MAP3K2: variants seen among roughly 807,000 people sequenced by gnomAD.
MAP3K2 encodes MAP/ERK kinase kinase 2.
A neutral mutation model predicts 80.3 loss-of-function variants in MAP3K2; 24 were observed. The observed-to-expected ratio is 0.30, with a 90% CI of 0.22 to 0.42. The LOEUF (loss-of-function observed/expected upper bound fraction) is 0.42. Ranked by LOEUF, MAP3K2 falls within the 10% of genes least tolerant of loss-of-function variation. MAP3K2 has a pLI of 1.00. For synonymous variants in MAP3K2, 244 were observed against 253.7 expected (o/e 0.96, Z 0.36); for missense variants, 608 against 750.1 (o/e 0.81, Z 2.21).
chr2:127,356,464 A>G (rs1263476570), intron 1 of MAP3K2, among the ~76,000 whole-genome samples: 1 of 147,912 alleles, frequency 6.8e-6, no homozygotes, highest in African/African-American at 2.5e-5. Flanking sequence ...TTTATTGCTA[A>G]AAAAAATGCT....
At chr2:127,340,784 C>T (rs750184532) in intron 2 of MAP3K2, among the ~76,000 whole-genome samples, 2 of 151,876 alleles carry the variant, frequency 1.3e-5, no homozygotes, top group Non-Finnish European at 2.9e-5. Flanking sequence ...TCTTGAACTC[C>T]TGGGCTCAAG....
At chr2:127,343,060 G>A (rs1686529174) in intron 2 of MAP3K2, 66 bp downstream of exon 2, 1 of 1,303,274 alleles carries the variant, frequency 7.7e-7, no homozygotes. Flanking sequence ...ACATAATAGA[G>A]AAAGTTTTTT....
chr2:127,364,308 G>T lies in MAP3K2; in HGVS notation c.-65-21114C>A, dbSNP rs188563467. ...GATAATCAAAAAAAGCAAAGAGTAG[G>T]AGTCAATAGGTTCTGAGTTATACTA... On this transcript the variant is annotated intron_variant, in intron 1 of 16. Coordinates refer to ENST00000682094, the MANE Select transcript of MAP3K2 (RefSeq NM_001371910.2). The surrounding 1 kb of genome is among the most constrained non-coding windows in gnomAD (Gnocchi z 4.1). Among the ~76,000 whole-genome samples the T allele has an allele frequency of 1.3e-5, 2 of 152,160 alleles. No individual in the cohort carries two copies. The highest frequency in any genetic ancestry group is 2.9e-5 in the Non-Finnish European group (2 of 68,034).
intron 12 of MAP3K2, among the ~76,000 whole-genome samples, chr2:127,319,431 G>C (rs1486711670): frequency 6.6e-6 from 1 of 151,652 alleles, no homozygotes; most frequent in Non-Finnish European, 1.5e-5. Flanking sequence ...CCCTCTCCTA[G>C]GCTGGCAAGT....
chr2:127,361,312 CAAA>C (rs1233881088), intron 1 of MAP3K2, among the ~76,000 whole-genome samples: 1 of 66,044 alleles, frequency 1.5e-5, no homozygotes, highest in Non-Finnish European at 3.2e-5. Flanking sequence ...CACTCTGTCT[CAAA>C]AAAAAAAAAA....
chr2:127,345,495 A>G (rs1686580793), intron 1 of MAP3K2, among the ~76,000 whole-genome samples: 1 of 152,270 alleles, frequency 6.6e-6, no homozygotes, highest in African/African-American at 2.4e-5. Context: ...ATGAGGAAAT[A>G]CAAGACTTGT....
chr2:127,385,204 G>C (rs1002209501), intron 1 of MAP3K2, among the ~76,000 whole-genome samples: 28 of 152,020 alleles, frequency 1.8e-4, no homozygotes, highest in Non-Finnish European at 3.7e-4. Context: ...CCATCGATGC[G>C]GCAAACTTCA....
At chr2:127,354,885 T>G (rs1686771360) in intron 1 of MAP3K2, among the ~76,000 whole-genome samples, 1 of 151,996 alleles carries the variant, frequency 6.6e-6, no homozygotes, top group Non-Finnish European at 1.5e-5. Flanking sequence ...TGGAAGATGT[T>G]TTTTAAATGA....
intron 15 of MAP3K2, 86 bp downstream of exon 15, chr2:127,314,665 TTAA>T (rs1685867150): frequency 3.9e-6 from 4 of 1,026,374 alleles, no homozygotes; most frequent in Non-Finnish European, 1.4e-6. Context: ...GACAGATGAA[TTAA>T]TGTTAAATGT....
At chr2:127,332,986 A>T (rs1686287932) in intron 5 of MAP3K2, among the ~76,000 whole-genome samples, 1 of 151,620 alleles carries the variant, frequency 6.6e-6, no homozygotes, top group African/African-American at 2.4e-5. Flanking sequence ...AAAAATTAAC[A>T]AGGTATGGTA....
At chr2:127,358,346 A>G (rs960398572) in intron 1 of MAP3K2, among the ~76,000 whole-genome samples, 2 of 152,262 alleles carry the variant, frequency 1.3e-5, no homozygotes. Context: ...GTCAAATGGT[A>G]CAACCGCTTT....
chr2:127,354,269 G>GAAAAAA (rs537174159), intron 1 of MAP3K2, among the ~76,000 whole-genome samples: 1 of 104,712 alleles, frequency 9.6e-6, no homozygotes, highest in African/African-American at 3.6e-5. Flanking sequence ...AATATCATTT[G>GAAAAAA]AAAAAAAAAA....
Position 127,322,183 on chromosome 2 carries a change from G to A in MAP3K2, c.908C>T (p.Pro303Leu), listed in dbSNP as rs1686036607. ...ACTAGTGCTTAAGGAATGATCAGTA[G>A]GACTGAAACTCACAGGAGACCGTAA... is the stretch of plus-strand genomic sequence containing the variant. ...TSLRSPVSFS[P>L]TDHSLSTSSG... Residue 303 changes from proline to leucine, a missense_variant, in exon 12 of 17, where the codon CCT (proline) becomes CTT (leucine). This residue lies in a region of MAP3K2 where 467 missense variants were observed against 521.9 expected (regional missense o/e 0.89). Transcript: ENST00000682094. The surrounding 1 kb of genome is among the most constrained non-coding windows in gnomAD (Gnocchi z 4.2). 1 of 1,613,766 alleles carries A rather than the reference G, an allele frequency of 6.2e-7. No homozygotes were observed. Among genetic ancestry groups the A allele is most frequent in the Admixed American group, 1.7e-5 (1 of 59,998 alleles).
intron 15 of MAP3K2, among the ~76,000 whole-genome samples, chr2:127,311,470 G>A (rs1166688701): frequency 1.3e-5 from 2 of 152,094 alleles, no homozygotes; most frequent in Admixed American, 6.6e-5. Flanking sequence ...GGAGAAAACG[G>A]GTAGCCAGGC....
intron 2 of MAP3K2, among the ~76,000 whole-genome samples, chr2:127,340,679 G>C (rs1017122516): frequency 2.0e-5 from 3 of 150,744 alleles, no homozygotes; most frequent in African/African-American, 7.3e-5. Flanking sequence ...AAAAAAAAAA[G>C]GTAAATCCTT....
chr2:127,353,340 G>A (rs904359077), intron 1 of MAP3K2, among the ~76,000 whole-genome samples: 37 of 151,940 alleles, frequency 2.4e-4, no homozygotes, highest in East Asian at 3.9e-4. Context: ...GAGCGCCTCC[G>A]CCCGGCCGTG....
chr2:127,308,296 A>G (rs544206883), intron 16 of MAP3K2, among the ~76,000 whole-genome samples: 1 of 152,360 alleles, frequency 6.6e-6, no homozygotes, highest in East Asian at 1.9e-4. Flanking sequence ...TCTTTAGACA[A>G]ACAAAGTAAC....
chr2:127,328,697 A>G (rs1272589066), intron 7 of MAP3K2, among the ~76,000 whole-genome samples: 1 of 152,246 alleles, frequency 6.6e-6, no homozygotes, highest in Non-Finnish European at 1.5e-5. Context: ...TTTAAGACAG[A>G]CACTTCGAAG....
chr2:127,324,189 G>A lies in MAP3K2; in HGVS notation c.730C>T (p.His244Tyr). 2 of 1,555,038 alleles carry A rather than the reference G, an allele frequency of 1.3e-6. No individual in the cohort carries two copies. The highest frequency in any genetic ancestry group is 1.7e-6 in the Non-Finnish European group (2 of 1,150,762). Reference sequence around the variant, plus strand: ...AAAGTCTAACCTGAAAATTCCTGATGATTATCTGGGTAGCTCTGAGCCCTA... The same window carrying A: ...AAAGTCTAACCTGAAAATTCCTGATAATTATCTGGGTAGCTCTGAGCCCTA... ...MPRAQSYPDN[H>Y]QEFSDYDNPI... The change falls in exon 10 of 17, where the codon CAT (histidine) becomes TAT (tyrosine). Residue 244 changes from histidine to tyrosine, a missense_variant. Transcript: ENST00000682094.
Sources: gnomAD v4.1 joint callset for allele counts (sites outside exome capture counted in the v4.1 genomes callset) on GRCh38, gnomAD v4.1.1 for gene constraint, gnomAD v4.1.1 regional missense constraint, Gnocchi (gnomAD v3.1) non-coding constraint, MANE v1.5 for transcripts, NCBI Gene and HGNC (gene_info 2026-07-23, HGNC 2026-07-21) for gene names.